The following TPTE2 variants were observed in gnomAD, a reference collection of about 807,000 sequenced individuals.
TPTE2 encodes the protein phosphatidylinositol 3,4,5-trisphosphate 3-phosphatase TPTE2.
Under a neutral mutation model 78.6 loss-of-function variants are expected in TPTE2, and 53 were observed. That is an observed-to-expected ratio of 0.67 (90% CI 0.54 to 0.85). The LOEUF is 0.85. TPTE2 is among the 40% of genes least tolerant of loss of function. The probability of loss-of-function intolerance (pLI) is 0.00; values close to 1 mark genes in which losing one functional copy is unlikely to be tolerated. For missense variants in TPTE2, 461 were observed against 623.0 expected (o/e 0.74, Z 2.77); for synonymous variants, 175 against 206.2 (o/e 0.85, Z 1.30).
At chr13:19,426,677 A>G (rs1221126363) in intron 17 of TPTE2, among the ~76,000 whole-genome samples, 160 bp from the exon 21 acceptor site, 1 of 152,134 alleles carries the variant, frequency 6.6e-6, no homozygotes, top group Non-Finnish European at 1.5e-5. Flanking sequence ...TCTAGTTGCA[A>G]TACTGTTGTT....
intron 13 of TPTE2, among the ~76,000 whole-genome samples, chr13:19,443,779 C>CACACACACACACACACAG (rs34742234): frequency 2.0e-5 from 3 of 146,384 alleles, no homozygotes; most frequent in South Asian, 4.3e-4. Context: ...CACACACACA[C>CACACACACACACACACAG]AGTCGTTAAG....
At chr13:19,451,139 A>T (rs372100413) in intron 11 of TPTE2, 26 bp downstream of exon 14, 1 of 1,609,486 alleles carries the variant, frequency 6.2e-7, no homozygotes, top group Admixed American at 1.7e-5. Flanking sequence ...TACCTACAGT[A>T]GCAAAATATA....
At chr13:19,498,815 A>C (rs1881565075) in intron 1 of TPTE2, among the ~76,000 whole-genome samples, 1 of 152,166 alleles carries the variant, frequency 6.6e-6, no homozygotes, top group Admixed American at 6.5e-5. Context: ...CTTTAAATGT[A>C]AATGGACTAA....
At chr13:19,497,608 A>T (rs949848123) in intron 1 of TPTE2, among the ~76,000 whole-genome samples, 1 of 107,204 alleles carries the variant, frequency 9.3e-6, no homozygotes, top group Non-Finnish European at 2.2e-5. Context: ...TAGAAAGAAA[A>T]CTAACAAACA....
chr13:19,430,492 G>A (rs757090338), exon 17 of TPTE2: 20 of 1,610,542 alleles, frequency 1.2e-5, no homozygotes, highest in Admixed American at 6.8e-5. Context: ...ATGAAGTACT[G>A]GAAAAGACAA....
intron 15 of TPTE2, among the ~76,000 whole-genome samples, chr13:19,434,365 C>G (rs933979873): frequency 6.6e-6 from 1 of 152,156 alleles, no homozygotes; most frequent in Non-Finnish European, 1.5e-5. Flanking sequence ...AAAGAGCGCA[C>G]AGTCTAAATG....
In TPTE2 at chr13:19,474,052, A is replaced by G. The variant is rs779575771; in HGVS notation, c.254T>C (p.Leu85Ser). 14 of 1,587,356 alleles carry G rather than the reference A, an allele frequency of 8.8e-6. No individual in the cohort carries two copies. The highest frequency in any genetic ancestry group is 1.4e-5 in the African/African-American group (1 of 71,736). Residue 85 changes from leucine to serine, a missense_variant, in exon 6 of 20, where the codon TTA becomes TCA. By Grantham distance (145) the Leu-to-Ser change is moderately radical. Transcript: ENST00000400230. Reference sequence around the variant, plus strand: ...GGCAAGGAGGAGAGTGACATCCAGTAAGACCAGGAAAACTCCAAATATTCT... The same window carrying G: ...GGCAAGGAGGAGAGTGACATCCAGTGAGACCAGGAAAACTCCAAATATTCT...
intron 13 of TPTE2, among the ~76,000 whole-genome samples, chr13:19,438,930 A>G (rs1002788457): frequency 6.6e-6 from 1 of 152,116 alleles, no homozygotes; most frequent in Non-Finnish European, 1.5e-5. Context: ...TCACCTTTCC[A>G]CTGGAGATCC....
At chr13:19,427,514 T>C (rs911141694) in intron 17 of TPTE2, among the ~76,000 whole-genome samples, 5 of 152,166 alleles carry the variant, frequency 3.3e-5, no homozygotes, top group African/African-American at 1.2e-4. Context: ...TGAGAATACA[T>C]TAAGAAGCTC....
At chr13:19,546,218 A>G in the TPTE2 span, among the ~76,000 whole-genome samples, 2 of 152,034 alleles carry the variant, frequency 1.3e-5, no homozygotes, top group African/African-American at 4.8e-5. Context: ...AGAAAAAAAA[A>G]CCTGTGCACG....
intron 1 of TPTE2, among the ~76,000 whole-genome samples, chr13:19,509,391 GAACA>G (rs1472237687): frequency 1.3e-5 from 2 of 152,030 alleles, no homozygotes; most frequent in African/African-American, 4.8e-5. Context: ...TAATAATCAA[GAACA>G]AACAGAGTGA....
intron 10 of TPTE2, among the ~76,000 whole-genome samples, chr13:19,453,232 C>T (rs1427665299): frequency 1.3e-5 from 2 of 151,322 alleles, no homozygotes; most frequent in Non-Finnish European, 2.9e-5. Context: ...TTTCACCATG[C>T]TGGCCAGGCT....
chr13:19,482,477 A>G lies in TPTE2; in HGVS notation c.179+11T>C. On this transcript the variant is annotated intron_variant, in intron 4 of 19. Coordinates refer to ENST00000400230, the Ensembl canonical transcript of TPTE2. ...AATGGCTCCCTCCTTTCAAACTTCA[A>G]ACTGACTTACTCATATGAAGCAACA... is the stretch of plus-strand genomic sequence containing the variant. The G allele has an allele frequency of 6.2e-7, 1 of 1,611,576 alleles. No homozygotes were observed. Among genetic ancestry groups the G allele is most frequent in the Non-Finnish European group, 8.5e-7 (1 of 1,178,702 alleles).
At chr13:19,470,132 T>C (rs1204317363) in intron 6 of TPTE2, among the ~76,000 whole-genome samples, 3 of 152,226 alleles carry the variant, frequency 2.0e-5, no homozygotes, top group African/African-American at 7.2e-5. Flanking sequence ...CTTTTCATTT[T>C]TTCCCCATTC....
chr13:19,430,670 T>C (rs1876514338), intron 16 of TPTE2, 123 bp from the exon 20 acceptor site: 5 of 654,952 alleles, frequency 7.6e-6, no homozygotes, highest in South Asian at 4.1e-5. Context: ...TATCAATAGT[T>C]ACTTATTTGG....
At chr13:19,465,728 C>G (rs1593374299) in intron 7 of TPTE2, among the ~76,000 whole-genome samples, 164 bp from the exon 11 acceptor site, 1 of 152,158 alleles carries the variant, frequency 6.6e-6, no homozygotes, top group African/African-American at 2.4e-5. Flanking sequence ...TAGGTTTTCA[C>G]AACTTGCGTG....
At chr13:19,539,058 T>C (rs1871364419), upstream of TPTE2, among the ~76,000 whole-genome samples, 1 of 152,184 alleles carries the variant, frequency 6.6e-6, no homozygotes, top group South Asian at 2.1e-4. Context: ...CTCCCTCTTA[T>C]AAAGCCACCA....
chr13:19,475,473 G>A (rs1216596574), intron 5 of TPTE2, 100 bp downstream of exon 8: 12 of 1,353,542 alleles, frequency 8.9e-6, no homozygotes, highest in South Asian at 4.4e-5. Flanking sequence ...TGATCTGCCC[G>A]CCTCAGCCCC....
intron 16 of TPTE2, among the ~76,000 whole-genome samples, chr13:19,430,863 ACACC>A (rs1489092513): frequency 6.6e-6 from 1 of 152,170 alleles, no homozygotes; most frequent in African/African-American, 2.4e-5. Flanking sequence ...ATGGTGGCTC[ACACC>A]TGTAATCCTA....
Sources: gnomAD v4.1 joint callset for allele counts (sites outside exome capture counted in the v4.1 genomes callset) on GRCh38, gnomAD v4.1.1 for gene constraint, MANE v1.5 for transcripts, NCBI Gene and HGNC (gene_info 2026-07-23, HGNC 2026-07-21) for gene names.